Variants in RNF111 observed in about 807,000 individuals in gnomAD.
The protein encoded by RNF111 is ring finger protein 111, also known as E3 ubiquitin-protein ligase Arkadia.
Under a neutral mutation model 95.1 loss-of-function variants are expected in RNF111, and 17 were observed. The observed-to-expected ratio is 0.18, with a 90% CI of 0.12 to 0.27. The LOEUF (loss-of-function observed/expected upper bound fraction) is 0.27. Among genes scored for constraint, RNF111 ranks in the 10% least tolerant of loss-of-function variants. RNF111 has a pLI of 1.00. For missense variants in RNF111, 1,189 were observed against 1,210.4 expected (o/e 0.98, Z 0.26); for synonymous variants, 440 against 414.8 (o/e 1.06, Z -0.74).
intron 9 of RNF111, 78 bp from the exon 10 acceptor site, chr15:59,085,581 G>A: frequency 3.9e-6 from 5 of 1,272,460 alleles, no homozygotes; most frequent in South Asian, 1.9e-5. Flanking sequence ...ACTTTTTTAA[G>A]TGTAAACATA....
intron 1 of RNF111, among the ~76,000 whole-genome samples, chr15:59,024,357 A>C (rs1462149671): frequency 6.6e-6 from 1 of 152,190 alleles, no homozygotes; most frequent in South Asian, 2.1e-4. Flanking sequence ...TGTGCGAGTC[A>C]ACTGTTTTCA....
intron 4 of RNF111, among the ~76,000 whole-genome samples, chr15:59,056,326 AC>A (rs1358473331): frequency 6.6e-6 from 1 of 152,182 alleles, no homozygotes; most frequent in Non-Finnish European, 1.5e-5. Context: ...ATTTTGGCTT[AC>A]AGCTGTACCC....
intron 6 of RNF111, 118 bp downstream of exon 6, chr15:59,067,201 T>C: frequency 1.1e-6 from 1 of 879,224 alleles, no homozygotes. Context: ...TCCCTCCATT[T>C]CTCTCCCTGC....
At chr15:59,014,983 AGGCCATCTGCCTGCCTT>A (rs1458479821) in intron 1 of RNF111, among the ~76,000 whole-genome samples, 1 of 152,172 alleles carries the variant, frequency 6.6e-6, no homozygotes, top group East Asian at 1.9e-4. Flanking sequence ...TCCTGGCCTC[AGGCCATCTGCCTGCCTT>A]GGCCTCCGTA....
At chr15:59,007,245 T>G (rs1394483217) in intron 1 of RNF111, among the ~76,000 whole-genome samples, 1 of 152,108 alleles carries the variant, frequency 6.6e-6, no homozygotes, top group Non-Finnish European at 1.5e-5. Flanking sequence ...TCCCCATCCC[T>G]TGAAGACACA....
Position 59,030,956 on chromosome 15 carries a change from C to T in RNF111, c.134C>T (p.Ala45Val), listed in dbSNP as rs760131081. ...CTTTTGCATCCAGAGCCCATTGGGG[C>T]AGCCAAAAGTTTTCCTGCAGGAGTT... ...GILLHPEPIG[A>V]AKSFPAGVEM... is the part of the protein sequence containing the mutation. Residue 45 changes from alanine to valine, a missense_variant, in exon 2 of 14, where the codon GCA becomes GTA. Ala to Val is a moderately conservative substitution (Grantham distance 64, BLOSUM62 0). Coordinates refer to ENST00000348370, the MANE Select transcript of RNF111 (RefSeq NM_017610.8). The T allele has an allele frequency of 7.4e-6, 12 of 1,614,062 alleles. No individual in the cohort carries two copies. The highest frequency in any genetic ancestry group is 1.3e-5 in the African/African-American group (1 of 74,932).
chr15:59,067,132 T>C (rs1248857033), intron 6 of RNF111, 49 bp downstream of exon 6: 1 of 1,444,882 alleles, frequency 6.9e-7, no homozygotes, highest in African/African-American at 1.4e-5. Context: ...CTTGTCTCTC[T>C]CTCTCTCTCC....
intron 8 of RNF111, among the ~76,000 whole-genome samples, chr15:59,082,201 C>G (rs1402819851): frequency 1.3e-5 from 2 of 152,186 alleles, no homozygotes; most frequent in African/African-American, 4.8e-5. Context: ...CAAGTTTATA[C>G]CAGGTTATTT....
intron 11 of RNF111, among the ~76,000 whole-genome samples, chr15:59,090,306 T>A (rs2079015854): frequency 6.6e-6 from 1 of 152,070 alleles, no homozygotes; most frequent in Non-Finnish European, 1.5e-5. Context: ...CTCAGCTCAC[T>A]GCAACCTGCG....
At chr15:59,088,444 G>A (rs546667096) in intron 10 of RNF111, among the ~76,000 whole-genome samples, 1 of 152,320 alleles carries the variant, frequency 6.6e-6, no homozygotes, top group Non-Finnish European at 1.5e-5. Flanking sequence ...AACAATTTAA[G>A]TAATAGGCTA....
At chr15:59,066,310 T>C (rs1229070916) in intron 5 of RNF111, among the ~76,000 whole-genome samples, 2 of 152,098 alleles carry the variant, frequency 1.3e-5, no homozygotes, top group African/African-American at 4.8e-5. Context: ...ATGTATATGT[T>C]AAGAATATGG....
chr15:59,029,781 G>A (rs1373987753), intron 1 of RNF111, among the ~76,000 whole-genome samples: 1 of 152,136 alleles, frequency 6.6e-6, no homozygotes, highest in African/African-American at 2.4e-5. Context: ...TAGGGTGCTG[G>A]TTATGTTGTT....
chr15:58,990,602 A>G (rs1055869530), intron 1 of RNF111, among the ~76,000 whole-genome samples: 4 of 152,188 alleles, frequency 2.6e-5, no homozygotes, highest in Non-Finnish European at 5.9e-5. Flanking sequence ...GTAAGCGGAG[A>G]TCGTGCCACT....
rs770225597 is a variant in RNF111, at chr15:59,031,302, AGT to A, written c.481_482del (p.Val161LeufsTer12). 1 of 1,614,110 alleles carries A rather than the reference AGT, an allele frequency of 6.2e-7. No homozygotes were observed. The highest frequency in any genetic ancestry group is 1.1e-5 in the South Asian group (1 of 91,070). On this transcript the variant is annotated frameshift_variant, in exon 2 of 14. Transcript: ENST00000348370. LOFTEE classifies it high-confidence loss of function. ...DTVTSDEDKEVSVRHSQTILN... is the reference protein window; with the variant it reads ...DTVTSDEDKEXSVRHSQTILN... ...CTGTGACTTCAGATGAGGATAAAGAAGTCTCTGTAAGACATTCCCAGACCATT... is the reference window on the plus strand; with the variant it reads ...CTGTGACTTCAGATGAGGATAAAGAACTCTGTAAGACATTCCCAGACCATT...
intron 4 of RNF111, among the ~76,000 whole-genome samples, chr15:59,056,904 C>G (rs577764524): frequency 3.9e-5 from 6 of 152,192 alleles, no homozygotes; most frequent in Admixed American, 1.3e-4. Flanking sequence ...GATAGAGTAG[C>G]CTTTTCCACA....
At chr15:58,995,358 G>T (rs547438935) in intron 1 of RNF111, among the ~76,000 whole-genome samples, 1 of 152,118 alleles carries the variant, frequency 6.6e-6, no homozygotes, top group South Asian at 2.1e-4. Context: ...TTATTCAGTG[G>T]GTTAAATAAC....
chr15:59,062,551 G>A (rs1256645561), intron 5 of RNF111, among the ~76,000 whole-genome samples: 1 of 152,220 alleles, frequency 6.6e-6, no homozygotes, highest in Non-Finnish European at 1.5e-5. Context: ...GTTCTAGGCA[G>A]TGGGAACAAA....
chr15:59,037,566 G>T (rs2041238881), intron 2 of RNF111, among the ~76,000 whole-genome samples: 1 of 152,088 alleles, frequency 6.6e-6, no homozygotes, highest in Admixed American at 6.6e-5. Context: ...GCCGGGCGTG[G>T]TGGCTCACAC....
At chr15:59,060,807 A>ATTATTATTT (rs775493353) in intron 5 of RNF111, among the ~76,000 whole-genome samples, 1 of 144,244 alleles carries the variant, frequency 6.9e-6, no homozygotes, top group African/African-American at 2.6e-5. Context: ...TATTATTATT[A>ATTATTATTT]TTTTTTTTTT....
Sources: gnomAD v4.1 joint callset for allele counts (sites outside exome capture counted in the v4.1 genomes callset) on GRCh38, gnomAD v4.1.1 for gene constraint, MANE v1.5 for transcripts, NCBI Gene and HGNC (gene_info 2026-07-23, HGNC 2026-07-21) for gene names.